The following RGS6 variants were observed in gnomAD, a reference collection of about 807,000 sequenced individuals.
RGS6 encodes regulator of G-protein signaling 6.
In RGS6, 30 loss-of-function variants were observed where a neutral mutation model predicts 78.5. That is an observed-to-expected ratio of 0.38 (90% CI 0.29 to 0.52). The LOEUF (loss-of-function observed/expected upper bound fraction) is 0.52. Among genes scored for constraint, RGS6 ranks in the 20% least tolerant of loss-of-function variants. RGS6 has a pLI of 0.85. For missense variants in RGS6, 495 were observed against 609.7 expected, an observed-to-expected ratio of 0.81 and a Z score of 1.98; for synonymous variants, 206 against 206.0, an observed-to-expected ratio of 1.00 and a Z score of 0.00.
At chr14:72,097,266 T>C (rs1417635578) in intron 2 of RGS6, among the ~76,000 whole-genome samples, 3 of 152,228 alleles carry the variant, frequency 2.0e-5, no homozygotes, top group Non-Finnish European at 4.4e-5. Flanking sequence ...TTCTATTCTA[T>C]GTGTGTGGCC....
chr14:72,244,665 C>A (rs552963207), intron 2 of RGS6, among the ~76,000 whole-genome samples: 5 of 152,192 alleles, frequency 3.3e-5, no homozygotes, highest in African/African-American at 9.7e-5. Flanking sequence ...CAAGCTCCCC[C>A]ATACCTGCAC....
chr14:72,604,976 C>T, the RGS6 span, among the ~76,000 whole-genome samples: 1 of 152,118 alleles, frequency 6.6e-6, no homozygotes, highest in Non-Finnish European at 1.5e-5. Context: ...CAGTTGGGCC[C>T]AGGAAATAGC....
intron 15 of RGS6, among the ~76,000 whole-genome samples, chr14:72,533,483 C>A (rs2097207914): frequency 6.6e-6 from 1 of 152,196 alleles, no homozygotes; most frequent in Non-Finnish European, 1.5e-5. Flanking sequence ...CTTTTCAAGT[C>A]CTATTATTTA....
At chr14:71,989,331 C>T (rs1242284584) in intron 2 of RGS6, among the ~76,000 whole-genome samples, 1 of 152,354 alleles carries the variant, frequency 6.6e-6, no homozygotes, top group South Asian at 2.1e-4. Flanking sequence ...CTGGAAGGAA[C>T]AAGACAACCA....
At chr14:71,957,134 T>G (rs2092847557) in intron 1 of RGS6, among the ~76,000 whole-genome samples, 1 of 152,142 alleles carries the variant, frequency 6.6e-6, no homozygotes, top group Non-Finnish European at 1.5e-5. Flanking sequence ...GAAACTGGCT[T>G]TTCTGGTAGG....
At chr14:72,495,121 TG>T (rs1162403769) in intron 12 of RGS6, 30 bp from the exon 13 acceptor site, 2 of 1,214,080 alleles carry the variant, frequency 1.6e-6, no homozygotes, top group East Asian at 2.3e-5. Context: ...AGGAAATCAG[TG>T]GCATTCTTTG....
chr14:72,356,046 T>C (rs899622378), intron 3 of RGS6, among the ~76,000 whole-genome samples: 2 of 152,192 alleles, frequency 1.3e-5, no homozygotes, highest in African/African-American at 4.8e-5. Flanking sequence ...TTCAATGAGA[T>C]CACTCTATTA....
intron 2 of RGS6, among the ~76,000 whole-genome samples, chr14:72,193,784 A>G (rs940344181): frequency 1.3e-5 from 2 of 152,186 alleles, no homozygotes; most frequent in South Asian, 2.1e-4. Context: ...GGCAAGGTAT[A>G]TGGCTGGTAG....
chr14:71,901,643 G>A, the RGS6 span, among the ~76,000 whole-genome samples: 1 of 152,282 alleles, frequency 6.6e-6, no homozygotes, highest in East Asian at 1.9e-4. Context: ...CAGTCATAAG[G>A]TGAGAGTTAT....
chr14:72,128,375 G>C (rs1237445542), intron 2 of RGS6, among the ~76,000 whole-genome samples: 1 of 152,128 alleles, frequency 6.6e-6, no homozygotes, highest in East Asian at 1.9e-4. Context: ...TTATTGGCCA[G>C]TGTCCACAAT....
At chr14:72,011,083 A>G (rs1189176032) in intron 2 of RGS6, among the ~76,000 whole-genome samples, 3 of 152,256 alleles carry the variant, frequency 2.0e-5, no homozygotes, top group African/African-American at 7.2e-5. Flanking sequence ...TCCTGAAAGT[A>G]AATTTGTTGT....
intron 2 of RGS6, among the ~76,000 whole-genome samples, chr14:71,968,101 C>T (rs1453656934): frequency 6.6e-6 from 1 of 152,152 alleles, no homozygotes; most frequent in African/African-American, 2.4e-5. Flanking sequence ...CTTAATTATT[C>T]ATGAAGACAC....
rs1427769089 is a variant in RGS6, at chr14:71,978,271, T to C, written c.84+13396T>C. On this transcript the variant is annotated intron_variant, in intron 2 of 17. Coordinates refer to ENST00000553525, the MANE Select transcript of RGS6 (RefSeq NM_001204424.2). Reference sequence around the variant, plus strand: ...CCCTTTATTTCCTTCTCCTACCTAATTGCCCTGGCCAGAACTTCCAACACT... The same window carrying C: ...CCCTTTATTTCCTTCTCCTACCTAACTGCCCTGGCCAGAACTTCCAACACT... 1.0e-4 allele frequency among the ~76,000 whole-genome samples: 13 copies of C among 130,186 alleles called. No homozygotes were observed. In the South Asian group the frequency reaches 3.3e-3, roughly 33 times the overall value. The allele number at this position is 130,186 out of a possible 152,430, so 85.4% of individuals were successfully genotyped here. A position where few individuals can be genotyped will look rare whatever the true frequency, so the allele number is the denominator to read the frequency against.
intron 3 of RGS6, among the ~76,000 whole-genome samples, chr14:72,453,944 T>C (rs2095562489): frequency 6.6e-6 from 1 of 152,202 alleles, no homozygotes; most frequent in South Asian, 2.1e-4. Context: ...GCATATGCCA[T>C]TTCTACCCAT....
rs187149241 is a variant in RGS6 at position 72,236,915 on chromosome 14, C to T, written c.85-115180C>T. The stretch of plus-strand genomic sequence containing the variant: ...AGGTGCTCCTGCTTCCCAGACGGGG[C>T]GGCGGCATTCTTACCACCCAGAATG... On this transcript the variant is annotated intron_variant, in intron 2 of 17. Transcript: ENST00000553525. Among the ~76,000 whole-genome samples, 390 of 152,356 alleles carry T rather than the reference C, an allele frequency of 2.6e-3. 1 individual carries two copies. The highest frequency in any genetic ancestry group is 4.6e-3 in the Non-Finnish European group (314 of 68,026).
At chr14:72,242,976 G>A (rs959299312) in intron 2 of RGS6, among the ~76,000 whole-genome samples, 5 of 150,040 alleles carry the variant, frequency 3.3e-5, no homozygotes, top group Admixed American at 6.7e-5. Context: ...AGCTTCCTAA[G>A]TAGCTGGGAT....
At chr14:72,445,359 T>C (rs899691752) in intron 3 of RGS6, among the ~76,000 whole-genome samples, 1 of 152,160 alleles carries the variant, frequency 6.6e-6, no homozygotes, top group African/African-American at 2.4e-5. Context: ...CCAGCTAATT[T>C]TTGTATTTTT....
At chr14:72,483,759 A>G (rs1439724177) in intron 12 of RGS6, among the ~76,000 whole-genome samples, 3 of 151,738 alleles carry the variant, frequency 2.0e-5, no homozygotes, top group Admixed American at 6.6e-5. Context: ...GGGTGACTGT[A>G]TCTAGACCAA....
chr14:72,298,757 T>C (rs2065421476), intron 2 of RGS6, among the ~76,000 whole-genome samples: 1 of 152,160 alleles, frequency 6.6e-6, no homozygotes, highest in Non-Finnish European at 1.5e-5. Context: ...CCTAATGTTT[T>C]TATAACTTGC....
Sources: gnomAD v4.1 joint callset for allele counts (sites outside exome capture counted in the v4.1 genomes callset) on GRCh38, gnomAD v4.1.1 for gene constraint, MANE v1.5 for transcripts, NCBI Gene and HGNC (gene_info 2026-07-23, HGNC 2026-07-21) for gene names.